Variants in KRTAP5-5 observed in about 807,000 individuals in gnomAD.
KRTAP5-5 encodes the protein keratin associated protein 5-5.
Under a neutral mutation model 2.8 loss-of-function variants are expected in KRTAP5-5, and 1 was observed. That is an observed-to-expected ratio of 0.35 (90% CI 0.13 to 1.67). KRTAP5-5 has a LOEUF of 1.67. Among genes scored for constraint, KRTAP5-5 ranks in the 40% most tolerant of loss-of-function variants. KRTAP5-5 has a pLI of 0.35. For synonymous variants in KRTAP5-5, 83 were observed against 110.6 expected (o/e 0.75, Z 1.57); for missense variants, 134 against 270.9 (o/e 0.49, Z 3.55).
At chr11:1,629,968 G>GGGGCGGTGGCTC in exon 1 of KRTAP5-5, 1 of 1,100,742 alleles carries the variant, frequency 9.1e-7, no homozygotes, top group Non-Finnish European at 1.3e-6. Context: ...TCCGGCTGTG[G>GGGGCGGTGGCTC]AGGCTGTGGG....
chr11:1,630,578 G>A, exon 1 of KRTAP5-5: 1 of 1,611,330 alleles, frequency 6.2e-7, no homozygotes, highest in Non-Finnish European at 8.5e-7. Context: ...GACTGCAGGT[G>A]GCCTGACTGG....
exon 1 of KRTAP5-5, chr11:1,629,814 C>G: frequency 1.2e-6 from 2 of 1,611,090 alleles, no homozygotes; most frequent in East Asian, 2.2e-5. Context: ...GCTCCTCTAC[C>G]TGCTCCACCC....
exon 1 of KRTAP5-5, chr11:1,630,595 G>A (rs779233655): frequency 6.2e-7 from 1 of 1,612,208 alleles, no homozygotes. Flanking sequence ...CTGGTGAAGG[G>A]CCCGGCTGCC....
exon 1 of KRTAP5-5, chr11:1,630,536 C>G (rs201404581): frequency 1.9e-5 from 30 of 1,614,004 alleles, no homozygotes; most frequent in Non-Finnish European, 2.5e-5. Flanking sequence ...TCCCCGTGTG[C>G]TGCCAGTGTA....
At chr11:1,630,215 C>A (rs1849736100) in exon 1 of KRTAP5-5, 1 of 535,834 alleles carries the variant, frequency 1.9e-6, no homozygotes, top group South Asian at 2.1e-5. Context: ...GTGGGGGGTC[C>A]AAGGGGGGCT....
chr11:1,629,953 G>A (rs559020569), exon 1 of KRTAP5-5: 3 of 1,530,032 alleles, frequency 2.0e-6, no homozygotes, highest in Admixed American at 1.8e-5. Context: ...TGTGGGGGCT[G>A]TGGCTCCGGC....
exon 1 of KRTAP5-5, chr11:1,630,086 C>T (rs1433317786): frequency 4.3e-6 from 7 of 1,611,152 alleles, no homozygotes; most frequent in Non-Finnish European, 1.7e-6. Context: ...GTTCCTGCTC[C>T]AGCTGTGGCA....
chr11:1,630,322 A>C, exon 1 of KRTAP5-5: 1 of 1,612,098 alleles, frequency 6.2e-7, no homozygotes, highest in Non-Finnish European at 8.5e-7. Flanking sequence ...AGCTGCTGCA[A>C]GCCCTGCTGC....
chr11:1,630,484 C>T (rs1451080575), exon 1 of KRTAP5-5: 1 of 1,611,160 alleles, frequency 6.2e-7, no homozygotes, highest in African/African-American at 1.3e-5. Flanking sequence ...TGCTGCCAAT[C>T]CAGCTGCTAC....
exon 1 of KRTAP5-5, chr11:1,630,254 C>A (rs369404931): frequency 6.6e-7 from 1 of 1,508,110 alleles, no homozygotes. Flanking sequence ...CCAAGGGGGG[C>A]TGTGGCTCCT....
chr11:1,630,390 TGCCA>T lies in KRTAP5-5; in HGVS notation c.552_555del (p.Gln185ProfsTer65). The T allele has an allele frequency of 1.5e-6, 1 of 657,828 alleles. No homozygotes were observed. Among genetic ancestry groups the T allele is most frequent in the Non-Finnish European group, 2.0e-6 (1 of 506,892 alleles). 40.7% of individuals were successfully genotyped at this position (657,828 alleles called of 1,614,324 possible). A position where few individuals can be genotyped will look rare whatever the true frequency, so the allele number is the denominator to read the frequency against. The stretch of plus-strand genomic sequence containing the variant: ...GTCCAGCTGCTGTAAGCCTTACTGC[TGCCA>T]GTCCAGCTGCTGTAAGCCCTACTGC... On this transcript the variant is annotated frameshift_variant, in exon 1 of 1. Coordinates refer to ENST00000399676, the Ensembl canonical transcript of KRTAP5-5. LOFTEE classifies it low-confidence loss of function (END_TRUNC).
chr11:1,630,131 A>G (rs559565463), exon 1 of KRTAP5-5: 1 of 1,597,310 alleles, frequency 6.3e-7, no homozygotes, highest in East Asian at 2.3e-5. Flanking sequence ...GCTCCAAGAG[A>G]GGCTGTGTCT....
rs766171125 is a variant in KRTAP5-5, at chr11:1,630,358, G to C, written c.518G>C (p.Cys173Ser). 19 of 1,317,500 alleles carry C rather than the reference G, an allele frequency of 1.4e-5. No homozygotes were observed. The Admixed American group carries it at 3.6e-4, about 25-fold the overall frequency. The allele number at this position is 1,317,500 out of a possible 1,614,324, so 81.6% of individuals were successfully genotyped here. A position where few individuals can be genotyped will look rare whatever the true frequency, so the allele number is the denominator to read the frequency against. The change falls in exon 1 of 1, where the codon TGC (cysteine) becomes TCC (serine). Residue 173 changes from cysteine (C) to serine (S), a missense_variant. By Grantham distance (112) the Cys-to-Ser change is moderately radical. Coordinates refer to ENST00000399676, the Ensembl canonical transcript of KRTAP5-5. Reference sequence around the variant, plus strand: ...TGCTCCTCAGGCTGTGGGTCATCCTGCTGCCAGTCCAGCTGCTGTAAGCCT... The same window carrying C: ...TGCTCCTCAGGCTGTGGGTCATCCTCCTGCCAGTCCAGCTGCTGTAAGCCT...
exon 1 of KRTAP5-5, chr11:1,630,499 C>CCTGCTG (rs1849747282): frequency 6.2e-7 from 1 of 1,611,762 alleles, no homozygotes; most frequent in Admixed American, 1.7e-5. Flanking sequence ...TGCTACAAGC[C>CCTGCTG]CTGCTGCTGC....
chr11:1,630,353 A>G (rs926063975), exon 1 of KRTAP5-5: 10 of 1,597,994 alleles, frequency 6.3e-6, no homozygotes, highest in Middle Eastern at 1.7e-4. Flanking sequence ...GCTGTGGGTC[A>G]TCCTGCTGCC....
At chr11:1,630,618 C>T (rs1399934014) in exon 1 of KRTAP5-5, 2 of 1,597,122 alleles carry the variant, frequency 1.3e-6, no homozygotes, top group African/African-American at 2.7e-5. Flanking sequence ...GCTTCCTTGC[C>T]CTGGGTTCTC....
exon 1 of KRTAP5-5, chr11:1,630,222 G>T: frequency 2.4e-6 from 1 of 413,220 alleles, no homozygotes. Flanking sequence ...GTCCAAGGGG[G>T]GCTGTGGCTC....
chr11:1,629,897 C>T (rs1337794192), exon 1 of KRTAP5-5: 10 of 1,597,232 alleles, frequency 6.3e-6, no homozygotes, highest in South Asian at 3.3e-5. Context: ...GCCGTGGCTC[C>T]GGCTGTGGGG....
In KRTAP5-5 at chr11:1,630,116, C is replaced by A. The variant is rs762963324; in HGVS notation, c.276C>A (p.Cys92Ter). Residue 92 changes from cysteine (C) to a stop codon, truncating the protein, a stop_gained, in exon 1 of 1, where the codon TGC (cysteine) becomes TGA (stop). Transcript: ENST00000399676. LOFTEE classifies it low-confidence loss of function (END_TRUNC). ...GTGGCAAAGGGGGCTGTGGCTCTTGCGGGGGCTCCAAGAGAGGCTGTGTCT... is the reference window on the plus strand; with the variant it reads ...GTGGCAAAGGGGGCTGTGGCTCTTGAGGGGGCTCCAAGAGAGGCTGTGTCT... The A allele has an allele frequency of 1.9e-6, 3 of 1,607,584 alleles. No homozygotes were observed. The highest frequency in any genetic ancestry group is 1.7e-6 in the Non-Finnish European group (2 of 1,178,590).
Sources: allele counts gnomAD v4.1 joint callset, GRCh38; gene constraint gnomAD v4.1.1; transcripts MANE v1.5; gene names NCBI Gene and HGNC (gene_info 2026-07-23, HGNC 2026-07-21).